FRAS1: variants seen among roughly 807,000 people sequenced by gnomAD.
FRAS1 encodes the protein Fraser extracellular matrix complex subunit 1.
A neutral mutation model predicts 435.2 loss-of-function variants in FRAS1; 290 were observed. The ratio of observed to expected loss-of-function variants is 0.67; its 90% CI spans 0.61 to 0.73. The LOEUF is 0.73. FRAS1 is among the 30% of genes least tolerant of loss of function. The probability of loss-of-function intolerance (pLI) is 0.00; values close to 1 mark genes in which losing one functional copy is unlikely to be tolerated. For synonymous variants in FRAS1, 1,800 were observed against 1,851.0 expected (o/e 0.97, Z 0.71); for missense variants, 4,860 against 5,001.5 (o/e 0.97, Z 0.85).
intron 54 of FRAS1, among the ~76,000 whole-genome samples, chr4:78,477,246 A>T (rs1719878824): frequency 6.6e-6 from 1 of 152,206 alleles, no homozygotes; most frequent in Non-Finnish European, 1.5e-5. Context: ...GATACTAATG[A>T]TAATATCTTA....
In FRAS1 at chr4:78,456,138, C is replaced by CTTTTT. The variant is rs753676442; in HGVS notation, c.6763+3803_6763+3807dup. The stretch of plus-strand genomic sequence containing the variant: ...AGCATTACTTGAAGAACACATGTCA[C>CTTTTT]TTTTTTTTTTTTTTTTTTTTTTTGA... On this transcript the variant is annotated intron_variant, in intron 47 of 73. Coordinates refer to ENST00000512123, the MANE Select transcript of FRAS1 (RefSeq NM_025074.7). Among the ~76,000 whole-genome samples, 157 of 51,464 alleles carry CTTTTT rather than the reference C, an allele frequency of 3.1e-3. 6 individuals carry two copies. The highest frequency in any genetic ancestry group is 0.014 in the South Asian group (32 of 2,312). The allele number at this position is 51,464 out of a possible 152,430, so 33.8% of individuals were successfully genotyped here.
In FRAS1 at chr4:78,188,959, G is replaced by A. The variant is rs149409258; in HGVS notation, c.109-48551G>A. Among the ~76,000 whole-genome samples the A allele has an allele frequency of 1.7e-3, 261 of 152,022 alleles. 1 individual carries two copies. Among genetic ancestry groups the A allele is most frequent in the African/African-American group, 5.9e-3 (245 of 41,350 alleles). On this transcript the variant is annotated intron_variant, in intron 2 of 73. Coordinates refer to ENST00000512123, the MANE Select transcript of FRAS1 (RefSeq NM_025074.7). ...CTCAAAGTATGTGCCCTACAGATGCGGTTTTATTTCCAGCTATTATCTAAT... is the reference window on the plus strand; with the variant it reads ...CTCAAAGTATGTGCCCTACAGATGCAGTTTTATTTCCAGCTATTATCTAAT...
intron 2 of FRAS1, among the ~76,000 whole-genome samples, chr4:78,164,194 T>C (rs1449120537): frequency 6.6e-6 from 1 of 152,108 alleles, no homozygotes; most frequent in African/African-American, 2.4e-5. Context: ...GGTCCAACCG[T>C]AGGCAGGAAG....
At chr4:78,373,027 C>A (rs769888696) in intron 24 of FRAS1, among the ~76,000 whole-genome samples, 169 bp downstream of exon 24, 2 of 152,134 alleles carry the variant, frequency 1.3e-5, no homozygotes, top group African/African-American at 2.4e-5. Context: ...CCCTTTTCAT[C>A]TTCCATGCCT....
intron 56 of FRAS1, 100 bp from the exon 57 acceptor site, chr4:78,481,704 A>G (rs1720015512): frequency 7.5e-7 from 1 of 1,342,108 alleles, no homozygotes; most frequent in African/African-American, 1.4e-5. Context: ...AAAGGGCTAA[A>G]AGCTGCCACT....
chr4:78,247,923 G>A (rs1026987601), intron 4 of FRAS1, among the ~76,000 whole-genome samples: 1 of 152,152 alleles, frequency 6.6e-6, no homozygotes, highest in Non-Finnish European at 1.5e-5. Context: ...AGGAGGGGAG[G>A]CAGTTGAAGT....
intron 33 of FRAS1, 84 bp downstream of exon 33, chr4:78,419,147 T>G: frequency 1.4e-6 from 1 of 706,708 alleles, no homozygotes; most frequent in Middle Eastern, 2.5e-4. Flanking sequence ...GAGTTTTGTC[T>G]GCTTGTATAC....
rs149041352 is a variant in FRAS1, at chr4:78,299,973, A to G, written c.1535-8093A>G. Among the ~76,000 whole-genome samples, 767 of 152,314 alleles carry G rather than the reference A, an allele frequency of 5.0e-3. 34 individuals are homozygous for G. Among genetic ancestry groups the G allele is most frequent in the Admixed American group, 0.045 (686 of 15,294 alleles). On this transcript the variant is annotated intron_variant, in intron 14 of 73. Transcript: ENST00000512123. ...ATGTGTCTTTGTGTGCTTCTGTTGA[A>G]TGTTGATATATCAGCTTGGCATAAC...
At chr4:78,358,201 GA>G (rs143136198) in intron 20 of FRAS1, among the ~76,000 whole-genome samples, 16,758 of 150,546 alleles carry the variant, frequency 0.11, 1,103 homozygotes, top group East Asian at 0.34. Flanking sequence ...TTGTTTCAAT[GA>G]AAAAAAAACT....
At chr4:78,435,971 A>G (rs942686718) in intron 38 of FRAS1, among the ~76,000 whole-genome samples, 9 of 152,182 alleles carry the variant, frequency 5.9e-5, no homozygotes, top group African/African-American at 2.2e-4. Flanking sequence ...GATATTAAGG[A>G]AGGGCGGAAC....
In FRAS1 at chr4:78,521,591, C is replaced by T. The variant is rs779521854; in HGVS notation, c.10609C>T (p.Arg3537Cys). Residue 3537 changes from arginine to cysteine, a missense_variant, in exon 68 of 74, where the codon CGT becomes TGT. Transcript: ENST00000512123. The part of the protein sequence containing the change: ...IIRIYIREDG[R>C]LVIEFKTHAK... ...AAGAATCTACATTCGAGAGGATGGC[C>T]GTCTTGTCATTGAATTCAAGACCCA... is the stretch of plus-strand genomic sequence containing the variant. 3.9e-5 allele frequency: 63 copies of T among 1,610,468 alleles called. No homozygotes were observed. The highest frequency in any genetic ancestry group is 4.3e-5 in the Non-Finnish European group (51 of 1,178,284).
chr4:78,131,697 T>C (rs2078481), intron 2 of FRAS1, among the ~76,000 whole-genome samples: 25,527 of 152,196 alleles, frequency 0.17, 2,314 homozygotes, highest in Admixed American at 0.21. Flanking sequence ...CTGTAATCTA[T>C]GGCTGTGCAA....
intron 14 of FRAS1, among the ~76,000 whole-genome samples, chr4:78,301,988 A>G (rs796344474): frequency 5.3e-5 from 8 of 151,520 alleles, no homozygotes; most frequent in South Asian, 2.1e-4. Context: ...ATATCTCCCA[A>G]TGCTATCCCT....
chr4:78,401,924 G>C (rs6819661), intron 30 of FRAS1, among the ~76,000 whole-genome samples: 1 of 151,032 alleles, frequency 6.6e-6, no homozygotes, highest in Non-Finnish European at 1.5e-5. Context: ...CTCTCTGCTA[G>C]GCTACGTGGG....
At chr4:78,275,737 C>T (rs2124144) in intron 9 of FRAS1, among the ~76,000 whole-genome samples, 51,319 of 151,962 alleles carry the variant, frequency 0.34, 8,702 homozygotes, top group Admixed American at 0.39. Flanking sequence ...TCTCTCTGAC[C>T]GCCCTTAACA....
In FRAS1 at chr4:78,522,797, C is replaced by G; in HGVS notation, c.10797C>G (p.Ser3599Arg). 1 of 1,609,488 alleles carries G rather than the reference C, an allele frequency of 6.2e-7. No homozygotes were observed. Among genetic ancestry groups the G allele is most frequent in the Non-Finnish European group, 8.5e-7 (1 of 1,178,128 alleles). ...DSPHQLWRAT[S>R]SYNRKDYSGE... The stretch of plus-strand genomic sequence containing the variant: ...CACATCAACTCTGGAGAGCCACAAG[C>G]TCTTATAACAGGTAAATACAGTGAT... Residue 3599 changes from serine (S) to arginine (R), a missense_variant, in exon 69 of 74, where the codon AGC (serine) becomes AGG (arginine). Coordinates refer to ENST00000512123, the MANE Select transcript of FRAS1 (RefSeq NM_025074.7).
At chr4:78,186,530 C>A (rs1722278627) in intron 2 of FRAS1, among the ~76,000 whole-genome samples, 1 of 152,126 alleles carries the variant, frequency 6.6e-6, no homozygotes, top group South Asian at 2.1e-4. Flanking sequence ...TGGATTCTCA[C>A]CCCATTGTTT....
intron 66 of FRAS1, among the ~76,000 whole-genome samples, chr4:78,517,206 G>A (rs1721238775): frequency 2.0e-5 from 3 of 152,108 alleles, no homozygotes. Flanking sequence ...TTTCTTTGTG[G>A]TGCCTCTCAG....
intron 14 of FRAS1, among the ~76,000 whole-genome samples, chr4:78,301,057 G>A (rs1178417104): frequency 6.6e-6 from 1 of 152,350 alleles, no homozygotes; most frequent in Middle Eastern, 3.4e-3. Context: ...ACTGAGAAGA[G>A]AGAATTGGAT....
Sources: gnomAD v4.1 joint callset for allele counts (sites outside exome capture counted in the v4.1 genomes callset) on GRCh38, gnomAD v4.1.1 for gene constraint, MANE v1.5 for transcripts, NCBI Gene and HGNC (gene_info 2026-07-23, HGNC 2026-07-21) for gene names.